PPP1R14D: variants seen among roughly 807,000 people sequenced by gnomAD.
The protein encoded by PPP1R14D is protein phosphatase 1 regulatory inhibitor subunit 14D.
PPP1R14D carries 14 observed loss-of-function variants against 17.1 expected under a neutral mutation model. The observed-to-expected ratio is 0.82, with a 90% CI of 0.54 to 1.28. The LOEUF is 1.28. Among genes scored for constraint, PPP1R14D ranks in the 50% most tolerant of loss-of-function variants. The pLI, the probability that PPP1R14D is intolerant of heterozygous loss-of-function variation, is 0.00. For synonymous variants in PPP1R14D, 67 were observed against 66.1 expected (o/e 1.01, Z -0.06); for missense variants, 173 against 179.2 (o/e 0.97, Z 0.20).
intron 1 of PPP1R14D, among the ~76,000 whole-genome samples, chr15:40,826,385 T>C (rs545025699): frequency 1.3e-5 from 2 of 152,266 alleles, no homozygotes; most frequent in South Asian, 2.1e-4. Flanking sequence ...GGACAACATA[T>C]TTTGAACTCC....
At chr15:40,819,738 T>C (rs1415631031) in intron 1 of PPP1R14D, among the ~76,000 whole-genome samples, 1 of 152,184 alleles carries the variant, frequency 6.6e-6, no homozygotes, top group African/African-American at 2.4e-5. Flanking sequence ...TTTTAACTTA[T>C]TGAATTCAGA....
intron 1 of PPP1R14D, among the ~76,000 whole-genome samples, chr15:40,818,232 T>A (rs1477187505): frequency 7.5e-6 from 1 of 132,532 alleles, no homozygotes; most frequent in Non-Finnish European, 1.5e-5. Context: ...GAGCTTGCAG[T>A]GAGCCAAGAT....
At chr15:40,826,658 T>C (rs1245603776) in intron 1 of PPP1R14D, among the ~76,000 whole-genome samples, 2 of 152,148 alleles carry the variant, frequency 1.3e-5, no homozygotes, top group Non-Finnish European at 2.9e-5. Flanking sequence ...TAAACCTCCA[T>C]TCCCTCAGCT....
At chr15:40,827,579 C>T (rs1890889884) in intron 1 of PPP1R14D, among the ~76,000 whole-genome samples, 1 of 75,232 alleles carries the variant, frequency 1.3e-5, no homozygotes, top group South Asian at 4.9e-4. Context: ...AATTATAACT[C>T]ATTTAAAGTC....
Position 40,825,688 on chromosome 15 carries a change from CTG to C in PPP1R14D, c.255+2697_255+2698del, listed in dbSNP as rs758271584. On this transcript the variant is annotated intron_variant, in intron 1 of 3. Coordinates refer to ENST00000299174, the MANE Select transcript of PPP1R14D (RefSeq NM_017726.8). ...GAATGGAGCAGAGTAAGGCTGGAGA[CTG>C]TGCTGTCTTGACCTCTGCCCAAGAT... Among the ~76,000 whole-genome samples the C allele has an allele frequency of 3.9e-5, 6 of 152,324 alleles. No individual in the cohort carries two copies. In the South Asian group the frequency reaches 6.2e-4, roughly 16 times the overall value.
chr15:40,820,015 C>T (rs1276246690), intron 1 of PPP1R14D, among the ~76,000 whole-genome samples: 4 of 147,096 alleles, frequency 2.7e-5, no homozygotes, highest in Admixed American at 2.0e-4. Flanking sequence ...TATAGGCATG[C>T]GCCACCACGC....
intron 1 of PPP1R14D, 124 bp downstream of exon 1, chr15:40,828,263 C>T: frequency 7.8e-7 from 1 of 1,284,834 alleles, no homozygotes; most frequent in Non-Finnish European, 1.1e-6. Context: ...TTTCTTTCAT[C>T]AGTTACAAAA....
At position 40,816,196 on chromosome 15, in the gene PPP1R14D, T is replaced by C; in HGVS notation, c.313A>G (p.Thr105Ala). The change falls in exon 2 of 4, where the codon ACA becomes GCA. Residue 105 changes from threonine to alanine, a missense_variant. Physicochemically the swap from Thr to Ala is moderately conservative, Grantham distance 58. Coordinates refer to ENST00000299174, the MANE Select transcript of PPP1R14D (RefSeq NM_017726.8). ...TCCAGCTGAGTCTTCTGCTCCTCTG[T>C]GGATAGATCCATGAGAGCTTCCAGG... ...IDLEALMDLS[T>A]EEQKTQLEAI... 1.2e-6 allele frequency: 2 copies of C among 1,614,126 alleles called. No individual in the cohort carries two copies. Among genetic ancestry groups the C allele is most frequent in the Non-Finnish European group, 1.7e-6 (2 of 1,180,016 alleles).
chr15:40,816,134 C>CA (rs1459735693), intron 2 of PPP1R14D, 36 bp downstream of exon 2: 1 of 1,609,390 alleles, frequency 6.2e-7, no homozygotes, highest in East Asian at 2.2e-5. Flanking sequence ...TCTGGGTTCC[C>CA]ACTGACCCAA....
intron 1 of PPP1R14D, among the ~76,000 whole-genome samples, chr15:40,825,001 AG>A (rs1890845990): frequency 2.0e-5 from 3 of 152,062 alleles, no homozygotes; most frequent in Admixed American, 6.6e-5. Context: ...GGGGGATACC[AG>A]GCCAGGCGCG....
At chr15:40,816,106 G>A in intron 2 of PPP1R14D, 64 bp downstream of exon 2, 1 of 1,602,334 alleles carries the variant, frequency 6.2e-7, no homozygotes, top group East Asian at 2.2e-5. Context: ...CTCCACCAAA[G>A]GAGGCAGAAC....
intron 1 of PPP1R14D, among the ~76,000 whole-genome samples, chr15:40,825,738 C>T (rs1388415469): frequency 6.6e-6 from 1 of 152,178 alleles, no homozygotes; most frequent in Non-Finnish European, 1.5e-5. Context: ...GGGGCTTCCC[C>T]AGCCACTTAA....
At chr15:40,818,304 A>C (rs1015108436) in intron 1 of PPP1R14D, among the ~76,000 whole-genome samples, 1 of 151,266 alleles carries the variant, frequency 6.6e-6, no homozygotes, top group Non-Finnish European at 1.5e-5. Context: ...AAAAAAAAAA[A>C]AAAAAAAACC....
At chr15:40,823,812 C>T (rs1418392747) in intron 1 of PPP1R14D, among the ~76,000 whole-genome samples, 2 of 151,886 alleles carry the variant, frequency 1.3e-5, no homozygotes, top group African/African-American at 4.8e-5. Context: ...CAGAATGTAT[C>T]CCTGTGGTTA....
intron 1 of PPP1R14D, among the ~76,000 whole-genome samples, chr15:40,828,145 C>G (rs1890902123): frequency 6.6e-6 from 1 of 152,130 alleles, no homozygotes; most frequent in Admixed American, 6.5e-5. Flanking sequence ...ACTAACAGCC[C>G]TATTATAGAT....
Position 40,828,679 on chromosome 15 carries a change from C to A in PPP1R14D, c.-38G>T. 6.4e-7 allele frequency: 1 copy of A among 1,570,512 alleles called. No homozygotes were observed. The highest frequency in any genetic ancestry group is 8.6e-7 in the Non-Finnish European group (1 of 1,158,070). On this transcript the variant is annotated 5_prime_UTR_variant, in exon 1 of 4. Transcript: ENST00000299174. ...CTGGGCAAGGAGCTGGGAAAAACCG[C>A]CAGTTCTGAGCAGAGCCACAGAGGG...
intron 2 of PPP1R14D, 56 bp from the exon 3 acceptor site, chr15:40,816,050 C>T: frequency 1.2e-6 from 2 of 1,607,212 alleles, no homozygotes; most frequent in Non-Finnish European, 1.7e-6. Context: ...CCCGCAAGTC[C>T]CCACCAATCT....
chr15:40,828,245 G>A (rs1890903722), intron 1 of PPP1R14D, 142 bp downstream of exon 1: 4 of 1,170,268 alleles, frequency 3.4e-6, no homozygotes, highest in African/African-American at 1.5e-5. Context: ...ACTTCAAACC[G>A]ATGCTTCTTT....
Position 40,828,378 on chromosome 15 carries a change from G to T in PPP1R14D, c.255+9C>A. Reference sequence around the variant, plus strand: ...CCCATCTCCTCCCACTATCCGCTGTGCTACCTACCTGGAAGAGCTCCTGAA... The same window carrying T: ...CCCATCTCCTCCCACTATCCGCTGTTCTACCTACCTGGAAGAGCTCCTGAA... On this transcript the variant is annotated intron_variant, in intron 1 of 3. Coordinates refer to ENST00000299174, the MANE Select transcript of PPP1R14D (RefSeq NM_017726.8). 6.3e-7 allele frequency: 1 copy of T among 1,580,356 alleles called. No homozygotes were observed. The highest frequency in any genetic ancestry group is 8.6e-7 in the Non-Finnish European group (1 of 1,163,258).
Sources: gnomAD v4.1 joint callset for allele counts (sites outside exome capture counted in the v4.1 genomes callset) on GRCh38, gnomAD v4.1.1 for gene constraint, MANE v1.5 for transcripts, NCBI Gene and HGNC (gene_info 2026-07-23, HGNC 2026-07-21) for gene names.